Variants in SPOCK3 observed in about 807,000 individuals in gnomAD.
SPOCK3 encodes SPARC (osteonectin), cwcv and kazal like domains proteoglycan 3, also known as testican-3.
Under a neutral mutation model 56.6 loss-of-function variants are expected in SPOCK3, and 30 were observed. The ratio of observed to expected loss-of-function variants is 0.53; its 90% CI spans 0.40 to 0.72. The LOEUF is 0.72. Among genes scored for constraint, SPOCK3 ranks in the 30% least tolerant of loss-of-function variants. SPOCK3 has a pLI of 0.00. For missense variants in SPOCK3, 527 were observed against 530.0 expected, an observed-to-expected ratio of 0.99 and a Z score of 0.06; for synonymous variants, 196 against 183.3, an observed-to-expected ratio of 1.07 and a Z score of -0.56.
intron 4 of SPOCK3, among the ~76,000 whole-genome samples, chr4:166,995,316 T>A (rs1748243756): frequency 6.6e-6 from 1 of 152,010 alleles, no homozygotes; most frequent in Admixed American, 6.6e-5. Flanking sequence ...TTAGTTATGA[T>A]CTATCTTTTA....
chr4:167,048,295 A>C (rs1230936178), intron 3 of SPOCK3, among the ~76,000 whole-genome samples: 9 of 151,972 alleles, frequency 5.9e-5, no homozygotes, highest in African/African-American at 2.2e-4. Context: ...TAGAGTTTAC[A>C]TACTAGATTG....
chr4:166,954,399 TC>T (rs1029617959), intron 4 of SPOCK3, among the ~76,000 whole-genome samples: 26 of 152,292 alleles, frequency 1.7e-4, no homozygotes, highest in African/African-American at 5.8e-4. Context: ...ATGGAAGTTT[TC>T]CCCTATGATT....
intron 6 of SPOCK3, among the ~76,000 whole-genome samples, chr4:166,829,315 T>C (rs1449681050): frequency 1.3e-5 from 2 of 152,118 alleles, no homozygotes; most frequent in Non-Finnish European, 2.9e-5. Context: ...ACAGCATTCA[T>C]AACTAGCCAG....
At chr4:166,847,662 TATATATATATATATATATAA>T (rs1451103896) in intron 6 of SPOCK3, among the ~76,000 whole-genome samples, 1,794 of 100,794 alleles carry the variant, frequency 0.018, 88 homozygotes, top group African/African-American at 0.08. Flanking sequence ...TATATATATA[TATATATATATATATATATAA>T]GAATCATGTT....
intron 3 of SPOCK3, among the ~76,000 whole-genome samples, chr4:167,047,899 A>G (rs1167012503): frequency 2.6e-5 from 4 of 152,162 alleles, no homozygotes; most frequent in Admixed American, 2.6e-4. Flanking sequence ...TACAAAATTT[A>G]GCCAGGTGTG....
intron 2 of SPOCK3, among the ~76,000 whole-genome samples, chr4:167,193,136 T>G (rs1300036064): frequency 1.4e-5 from 2 of 146,170 alleles, no homozygotes; most frequent in African/African-American, 5.2e-5. Flanking sequence ...TTATTACTAA[T>G]TTGCAAGGAC....
At chr4:166,970,340 T>C (rs1320265803) in intron 4 of SPOCK3, among the ~76,000 whole-genome samples, 3 of 152,234 alleles carry the variant, frequency 2.0e-5, no homozygotes, top group African/African-American at 7.2e-5. Flanking sequence ...GCTACACTTC[T>C]TTGGAATTCT....
rs139738367 is a variant in SPOCK3 at position 167,217,840 on chromosome 4, A to T, written c.189+16145T>A. Among the ~76,000 whole-genome samples the T allele has an allele frequency of 5.2e-3, 796 of 152,104 alleles. 8 individuals are homozygous for T. Among genetic ancestry groups the T allele is most frequent in the African/African-American group, 0.018 (760 of 41,520 alleles). ...CTATACATGATATAAATATTGCAAC[A>T]TTGCTATAAAAATTACTATGGATTT... On this transcript the variant is annotated intron_variant, in intron 2 of 10. Transcript: ENST00000357545.
intron 6 of SPOCK3, among the ~76,000 whole-genome samples, chr4:166,862,686 T>G (rs578071530): frequency 6.6e-6 from 1 of 152,036 alleles, no homozygotes; most frequent in African/African-American, 2.4e-5. Flanking sequence ...ATGATGCTGA[T>G]TTTTCCCCTT....
intron 8 of SPOCK3, among the ~76,000 whole-genome samples, chr4:166,749,659 T>A (rs1225915759): frequency 1.3e-5 from 2 of 151,712 alleles, no homozygotes; most frequent in African/African-American, 4.8e-5. Context: ...AAAATAAAAA[T>A]AAAATAATAA....
chr4:166,785,674 C>A (rs762621319), intron 7 of SPOCK3, among the ~76,000 whole-genome samples: 5 of 152,086 alleles, frequency 3.3e-5, no homozygotes, highest in Non-Finnish European at 7.4e-5. Context: ...ATTCCACTTT[C>A]AAGGTTCATT....
At chr4:166,774,836 C>T (rs1739351800) in intron 7 of SPOCK3, among the ~76,000 whole-genome samples, 1 of 152,162 alleles carries the variant, frequency 6.6e-6, no homozygotes, top group Admixed American at 6.5e-5. Context: ...TAGCTCTTTC[C>T]AAAGAAACCT....
At chr4:166,948,366 T>A (rs1200207642) in intron 4 of SPOCK3, among the ~76,000 whole-genome samples, 2 of 148,728 alleles carry the variant, frequency 1.3e-5, no homozygotes, top group Non-Finnish European at 2.9e-5. Context: ...TTCTTTTGAA[T>A]ATATAACCCA....
intron 6 of SPOCK3, among the ~76,000 whole-genome samples, chr4:166,813,785 C>G (rs947336588): frequency 2.0e-5 from 3 of 151,612 alleles, no homozygotes; most frequent in African/African-American, 7.3e-5. Flanking sequence ...TATTCTCAGA[C>G]AGAGAAGGTA....
intron 2 of SPOCK3, among the ~76,000 whole-genome samples, chr4:167,152,993 A>T (rs1764542110): frequency 6.6e-6 from 1 of 152,238 alleles, no homozygotes; most frequent in Admixed American, 6.5e-5. Flanking sequence ...ATCCAATCAT[A>T]TCTATCATTT....
intron 5 of SPOCK3, among the ~76,000 whole-genome samples, chr4:166,896,327 C>G (rs922695703): frequency 3.3e-5 from 5 of 152,132 alleles, no homozygotes; most frequent in Admixed American, 3.3e-4. Context: ...CCTGCCCCCA[C>G]CCATGGCTAA....
At chr4:166,834,778 G>A (rs905709322) in intron 6 of SPOCK3, among the ~76,000 whole-genome samples, 2 of 151,994 alleles carry the variant, frequency 1.3e-5, no homozygotes, top group Non-Finnish European at 2.9e-5. Flanking sequence ...TTTTGAGTTA[G>A]GGATTCTAAG....
At chr4:166,750,271 G>A (rs918340303) in intron 8 of SPOCK3, among the ~76,000 whole-genome samples, 1 of 152,070 alleles carries the variant, frequency 6.6e-6, no homozygotes, top group African/African-American at 2.4e-5. Context: ...GCAAATAACT[G>A]ATCTAGATAA....
At chr4:167,109,428 T>A (rs1452716516) in intron 2 of SPOCK3, among the ~76,000 whole-genome samples, 1 of 102,944 alleles carries the variant, frequency 9.7e-6, no homozygotes, top group African/African-American at 3.8e-5. Context: ...TAAATATATA[T>A]ATGATAAATA....
Sources: allele counts gnomAD v4.1 joint callset (sites outside exome capture counted in the v4.1 genomes callset), GRCh38; gene constraint gnomAD v4.1.1; transcripts MANE v1.5; gene names NCBI Gene and HGNC (gene_info 2026-07-23, HGNC 2026-07-21).